Variants in DHX35 observed in about 807,000 individuals in gnomAD.
DHX35 encodes the protein probable ATP-dependent RNA helicase DHX35.
Under a neutral mutation model 99.6 loss-of-function variants are expected in DHX35, and 84 were observed. That is an observed-to-expected ratio of 0.84 (90% CI 0.71 to 1.01). The LOEUF is 1.01. Among genes scored for constraint, DHX35 ranks in the 50% least tolerant of loss-of-function variants. The pLI, the probability that DHX35 is intolerant of heterozygous loss-of-function variation, is 0.00. For missense variants in DHX35, 852 were observed against 888.5 expected (o/e 0.96, Z 0.52); for synonymous variants, 331 against 316.2 (o/e 1.05, Z -0.50).
chr20:39,023,254 C>CT (rs1420355015), intron 16 of DHX35, among the ~76,000 whole-genome samples: 2 of 152,336 alleles, frequency 1.3e-5, no homozygotes, highest in East Asian at 3.9e-4. Context: ...AAGCTGAGTT[C>CT]TTTCAAGATA....
chr20:38,981,943 C>CAA lies in DHX35; in HGVS notation c.268-1737_268-1736dup, dbSNP rs1161300647. Among the ~76,000 whole-genome samples, 662 of 87,176 alleles carry CAA rather than the reference C, an allele frequency of 7.6e-3. 8 individuals carry two copies. Among genetic ancestry groups the CAA allele is most frequent in the African/African-American group, 0.026 (614 of 23,606 alleles). The allele number at this position is 87,176 out of a possible 152,430, so 57.2% of individuals were successfully genotyped here. On this transcript the variant is annotated intron_variant, in intron 3 of 21. Coordinates refer to ENST00000252011, the MANE Select transcript of DHX35 (RefSeq NM_021931.4). Reference sequence around the variant, plus strand: ...TGGGCAACAGAGCGAGACTCTGTCTCAAAAAAAAAAAAAAAAAAAAGAAAT... The same window carrying CAA: ...TGGGCAACAGAGCGAGACTCTGTCTCAAAAAAAAAAAAAAAAAAAAAAGAAAT...
At chr20:38,988,125 T>G (rs1157387399) in intron 4 of DHX35, among the ~76,000 whole-genome samples, 1 of 152,194 alleles carries the variant, frequency 6.6e-6, no homozygotes, top group East Asian at 1.9e-4. Flanking sequence ...CCTTTTTGCT[T>G]TGGCCACCAA....
At chr20:38,995,825 C>G (rs1329451436) in intron 8 of DHX35, among the ~76,000 whole-genome samples, 1 of 152,142 alleles carries the variant, frequency 6.6e-6, no homozygotes, top group African/African-American at 2.4e-5. Flanking sequence ...CAGCCGTTTT[C>G]CAGATGGATG....
chr20:39,032,469 G>T (rs139610459), intron 20 of DHX35, among the ~76,000 whole-genome samples: 1 of 152,194 alleles, frequency 6.6e-6, no homozygotes. Context: ...ACTGTGCCTG[G>T]CCCAGATTGG....
In DHX35 at chr20:39,039,257, C is replaced by A. The variant is rs2145959748; in HGVS notation, c.*714C>A. The A allele has an allele frequency of 6.5e-6, 1 of 152,848 alleles. No homozygotes were observed. The highest frequency in any genetic ancestry group is 1.9e-4 in the East Asian group (1 of 5,186). The allele number at this position is 152,848 out of a possible 1,614,324, so 9.5% of individuals were successfully genotyped here. A position where few individuals can be genotyped will look rare whatever the true frequency, so the allele number is the denominator to read the frequency against. Reference sequence around the variant, plus strand: ...CAGAGTGTAGTGCCAGGTCCTGGTGCCACGCTAGCTGAGCACTCAGGAGAG... The same window carrying A: ...CAGAGTGTAGTGCCAGGTCCTGGTGACACGCTAGCTGAGCACTCAGGAGAG... On this transcript the variant is annotated 3_prime_UTR_variant, in exon 22 of 22. Transcript: ENST00000252011.
At chr20:38,994,707 A>C in intron 7 of DHX35, 114 bp from the exon 8 acceptor site, 2 of 558,838 alleles carry the variant, frequency 3.6e-6, no homozygotes. Flanking sequence ...CCTCCTCCTC[A>C]GGCAAAAAAG....
chr20:38,992,763 G>A (rs2086360826), intron 7 of DHX35, among the ~76,000 whole-genome samples: 1 of 152,048 alleles, frequency 6.6e-6, no homozygotes, highest in African/African-American at 2.4e-5. Flanking sequence ...ATTCTCTGAA[G>A]ATATTATTTT....
At chr20:39,030,422 T>G in intron 19 of DHX35, 1 of 402,216 alleles carries the variant, frequency 2.5e-6, no homozygotes, top group Non-Finnish European at 4.5e-6. Flanking sequence ...CTGCAGAAGA[T>G]ACACATAAAC....
chr20:39,009,163 A>C (rs2086662099), intron 12 of DHX35, among the ~76,000 whole-genome samples: 1 of 152,084 alleles, frequency 6.6e-6, no homozygotes, highest in Admixed American at 6.6e-5. Flanking sequence ...CTTATGTGTT[A>C]ACTTTGTTTC....
chr20:38,980,511 G>GTTTTTTTTTTTTTTTTTT (rs397953645), intron 3 of DHX35, among the ~76,000 whole-genome samples: 13 of 136,964 alleles, frequency 9.5e-5, no homozygotes, highest in African/African-American at 3.5e-4. Flanking sequence ...TTATAGTTCT[G>GTTTTTTTTTTTTTTTTTT]TTTTTTTTTT....
Position 38,972,571 on chromosome 20 carries a change from A to G in DHX35, c.187A>G (p.Ile63Val). Residue 63 changes from isoleucine (I) to valine (V), a missense_variant, in exon 3 of 22, where the codon ATT becomes GTT. Ile to Val is a conservative substitution (Grantham distance 29). Transcript: ENST00000252011. ...KLPVFKLRNH[I>V]LYLIENYQTV... ...TATTCTTTTTCAGCTTAGGAATCAT[A>G]TTTTATACTTGATAGAAAATTATCA... The G allele has an allele frequency of 3.7e-6, 6 of 1,609,502 alleles. No individual in the cohort carries two copies. Among genetic ancestry groups the G allele is most frequent in the Non-Finnish European group, 3.4e-6 (4 of 1,176,128 alleles).
chr20:39,010,334 A>G lies in DHX35; in HGVS notation c.1277A>G (p.Asn426Ser), dbSNP rs148319017. 1.9e-6 allele frequency: 3 copies of G among 1,614,002 alleles called. No individual in the cohort carries two copies. The African/African-American group carries it at 4.0e-5, about 22-fold the overall frequency. Reference sequence around the variant, plus strand: ...ACGGTTCCTGAGATGCAGCGTAGTAATTTGGCACCTGTCATCCTGCAGCTG... The same window carrying G: ...ACGGTTCCTGAGATGCAGCGTAGTAGTTTGGCACCTGTCATCCTGCAGCTG... ...QSTVPEMQRS[N>S]LAPVILQLKA... The change falls in exon 13 of 22, where the codon AAT (asparagine) becomes AGT (serine). Residue 426 changes from asparagine to serine, a missense_variant. Coordinates refer to ENST00000252011, the MANE Select transcript of DHX35 (RefSeq NM_021931.4).
chr20:38,970,529 T>A (rs1255420125), intron 2 of DHX35, among the ~76,000 whole-genome samples: 1 of 152,254 alleles, frequency 6.6e-6, no homozygotes, highest in East Asian at 1.9e-4. Context: ...TGTGATGAAG[T>A]GTCCGGACTC....
chr20:39,038,376 C>T, intron 21 of DHX35, 123 bp from the exon 22 acceptor site: 1 of 1,095,586 alleles, frequency 9.1e-7, no homozygotes, highest in Non-Finnish European at 1.3e-6. Context: ...AACAGCTCAG[C>T]ATTTACTGGG....
intron 21 of DHX35, 87 bp from the exon 22 acceptor site, chr20:39,038,412 G>T (rs771663664): frequency 7.1e-7 from 1 of 1,400,564 alleles, no homozygotes; most frequent in Non-Finnish European, 1.0e-6. Context: ...TGGAAGATTT[G>T]ATGTGGTCAT....
chr20:39,006,230 C>G lies in DHX35; in HGVS notation c.1096C>G (p.Arg366Gly). ...YVIDCGFVKL[R>G]AYNPRTAIEC... ...GATCGACTGTGGCTTTGTGAAACTC[C>G]GAGCCTACAATCCCAGGACAGCTAT... is the stretch of plus-strand genomic sequence containing the variant. The change falls in exon 12 of 22, where the codon CGA (arginine) becomes GGA (glycine). Residue 366 changes from arginine (R) to glycine (G), a missense_variant. By Grantham distance (125) the Arg-to-Gly change is moderately radical (BLOSUM62 -2). Transcript: ENST00000252011. 1 of 1,614,094 alleles carries G rather than the reference C, an allele frequency of 6.2e-7. No individual in the cohort carries two copies. The highest frequency in any genetic ancestry group is 8.5e-7 in the Non-Finnish European group (1 of 1,180,010).
At chr20:39,000,587 C>G (rs559128628) in intron 8 of DHX35, among the ~76,000 whole-genome samples, 3 of 152,184 alleles carry the variant, frequency 2.0e-5, no homozygotes, top group African/African-American at 7.2e-5. Flanking sequence ...ATATAACATC[C>G]CTGTATTTTG....
Position 38,983,698 on chromosome 20 carries a change from G to C in DHX35, c.268-1G>C. ...ATACTTAGATGTGATTTTGTTTGTA[G>C]TACCTTGCAGAAGCCGGCTGGACAG... On this transcript the variant is annotated splice_acceptor_variant, in intron 3 of 21. Transcript: ENST00000252011. LOFTEE classifies it high-confidence loss of function. 6.2e-7 allele frequency: 1 copy of C among 1,613,898 alleles called. No individual in the cohort carries two copies. Among genetic ancestry groups the C allele is most frequent in the Non-Finnish European group, 8.5e-7 (1 of 1,179,830 alleles).
At chr20:38,970,759 T>A (rs145810391) in intron 2 of DHX35, among the ~76,000 whole-genome samples, 413 of 152,292 alleles carry the variant, frequency 2.7e-3, no homozygotes, top group African/African-American at 9.5e-3. Context: ...AATTACTGTT[T>A]ACTCAAGTAT....
Sources: gnomAD v4.1 joint callset for allele counts (sites outside exome capture counted in the v4.1 genomes callset) on GRCh38, gnomAD v4.1.1 for gene constraint, MANE v1.5 for transcripts, NCBI Gene and HGNC (gene_info 2026-07-23, HGNC 2026-07-21) for gene names.